Variants in TTC34 observed in about 807,000 individuals in gnomAD.
The protein encoded by TTC34 is tetratricopeptide repeat domain 34.
In TTC34, 44 loss-of-function variants were observed where a neutral mutation model predicts 40.7. The observed-to-expected ratio is 1.08, with a 90% CI of 0.85 to 1.39. The LOEUF is 1.39. Ranked by LOEUF, TTC34 falls within the 40% of genes most tolerant of loss-of-function variation. The pLI, the probability that TTC34 is intolerant of heterozygous loss-of-function variation, is 0.00. For synonymous variants in TTC34, 422 were observed against 398.6 expected (o/e 1.06, Z -0.70); for missense variants, 884 against 838.0 (o/e 1.05, Z -0.68).
intron 6 of TTC34, among the ~76,000 whole-genome samples, chr1:2,783,105 C>G (rs564175605): frequency 6.6e-6 from 1 of 152,276 alleles, no homozygotes; most frequent in East Asian, 1.9e-4. Flanking sequence ...GCATAGATAC[C>G]GAACTTAAAG....
exon 9 of TTC34, chr1:2,637,298 C>G (rs930594201): frequency 6.6e-6 from 1 of 152,196 alleles, no homozygotes; most frequent in African/African-American, 2.4e-5. Flanking sequence ...AAGATGGGTT[C>G]TCAATCCAGG....
At chr1:2,752,204 CCA>C in intron 6 of TTC34, among the ~76,000 whole-genome samples, 1 of 111,490 alleles carries the variant, frequency 9.0e-6, no homozygotes, top group South Asian at 3.4e-4. Context: ...GGAACAGAAC[CCA>C]CACCCCCAGG....
intron 6 of TTC34, among the ~76,000 whole-genome samples, chr1:2,685,164 CGT>C (rs1640270997): frequency 1.7e-3 from 24 of 14,198 alleles, no homozygotes; most frequent in South Asian, 2.5e-3. Context: ...CACAACCCCA[CGT>C]GAGCATCTGA....
At chr1:2,783,413 C>T (rs1300353720) in intron 6 of TTC34, among the ~76,000 whole-genome samples, 196 bp downstream of exon 6, 5 of 152,230 alleles carry the variant, frequency 3.3e-5, no homozygotes, top group Non-Finnish European at 7.3e-5. Flanking sequence ...AAGGGCAGGA[C>T]TCCCAGAAAC....
At chr1:2,749,554 G>A (rs1641251329) in intron 6 of TTC34, among the ~76,000 whole-genome samples, 1 of 67,410 alleles carries the variant, frequency 1.5e-5, no homozygotes. Context: ...GCAAATAGCA[G>A]CACCCACACC....
At chr1:2,686,771 G>A (rs1174474064) in intron 6 of TTC34, among the ~76,000 whole-genome samples, 1 of 123,054 alleles carries the variant, frequency 8.1e-6, no homozygotes, top group Non-Finnish European at 1.7e-5. Context: ...ACCCCCAGGT[G>A]AGCATGTGAC....
intron 6 of TTC34, among the ~76,000 whole-genome samples, chr1:2,677,918 A>G (rs371894583): frequency 3.0e-5 from 1 of 33,352 alleles, no homozygotes; most frequent in Non-Finnish European, 4.9e-5. Context: ...GACAGCCTGG[A>G]GCAGCACCCT....
chr1:2,784,434 G>A (rs1293653731), intron 5 of TTC34, among the ~76,000 whole-genome samples: 1 of 152,184 alleles, frequency 6.6e-6, no homozygotes, highest in Non-Finnish European at 1.5e-5. Flanking sequence ...ACCTCTGGAT[G>A]ACTGTGGGCA....
At chr1:2,780,375 C>T (rs1473304568) in intron 6 of TTC34, among the ~76,000 whole-genome samples, 2 of 152,166 alleles carry the variant, frequency 1.3e-5, no homozygotes, top group African/African-American at 4.8e-5. Context: ...AATCCAGTGT[C>T]GTGAAGCTTC....
At chr1:2,674,798 C>T (rs1352560505) in intron 6 of TTC34, among the ~76,000 whole-genome samples, 3 of 87,572 alleles carry the variant, frequency 3.4e-5, no homozygotes, top group East Asian at 5.0e-4. Context: ...GCAGCACCCA[C>T]AACCCCAAGT....
intron 6 of TTC34, among the ~76,000 whole-genome samples, chr1:2,660,748 A>C (rs61265390): frequency 0.079 from 45 of 568 alleles, 15 homozygotes; most frequent in Admixed American, 0.15. Context: ...GCAGCACCCC[A>C]CACCCACAGG....
chr1:2,654,682 G>GA (rs1639277583), intron 6 of TTC34, among the ~76,000 whole-genome samples: 1 of 99,244 alleles, frequency 1.0e-5, no homozygotes, highest in African/African-American at 3.4e-5. Context: ...CGCAAGGAAT[G>GA]GCATCCTCAC....
intron 2 of TTC34, among the ~76,000 whole-genome samples, chr1:2,794,540 T>G (rs1643695285): frequency 6.6e-6 from 1 of 152,222 alleles, no homozygotes; most frequent in Non-Finnish European, 1.5e-5. Flanking sequence ...GCTAATCATA[T>G]TGCCTGGAAT....
At chr1:2,798,772 A>G in intron 2 of TTC34, among the ~76,000 whole-genome samples, 1 of 114,198 alleles carries the variant, frequency 8.8e-6, no homozygotes. Flanking sequence ...TCAGCCTCCA[A>G]GCCTCCCAGC....
chr1:2,683,221 G>C (rs1489282341), intron 6 of TTC34, among the ~76,000 whole-genome samples: 6 of 131,326 alleles, frequency 4.6e-5, no homozygotes, highest in South Asian at 2.4e-4. Context: ...GCCTGGGTCG[G>C]CACCCACACC....
chr1:2,680,476 C>T lies in TTC34; in HGVS notation c.2227-34913G>A, dbSNP rs1309390332. ...GCACCCACACCCCCAGGAGAGCATC[C>T]GGCAGCCTGCAGCAGAACCCACACC... On this transcript the variant is annotated intron_variant, in intron 6 of 8. Transcript: ENST00000401095. 5.3e-3 allele frequency among the ~76,000 whole-genome samples: 314 copies of T among 58,744 alleles called. No individual in the cohort carries two copies. The Middle Eastern group carries it at 0.058, about 11-fold the overall frequency. The allele number at this position is 58,744 out of a possible 152,430, so 38.5% of individuals were successfully genotyped here. A position where few individuals can be genotyped will look rare whatever the true frequency, so the allele number is the denominator to read the frequency against.
chr1:2,782,766 C>A (rs999616047), intron 6 of TTC34, among the ~76,000 whole-genome samples: 1 of 152,194 alleles, frequency 6.6e-6, no homozygotes, highest in East Asian at 1.9e-4. Flanking sequence ...GCTCCCTCCT[C>A]CTTTTACAGA....
intron 6 of TTC34, among the ~76,000 whole-genome samples, chr1:2,655,874 A>T (rs1316423748): frequency 1.0e-5 from 1 of 98,528 alleles, no homozygotes; most frequent in East Asian, 3.1e-4. Flanking sequence ...AGCATCTGAC[A>T]GCCTGGAGCA....
chr1:2,785,777 T>C (rs1049039909), intron 5 of TTC34, 42 bp downstream of exon 5: 2 of 1,522,740 alleles, frequency 1.3e-6, no homozygotes, highest in African/African-American at 1.4e-5. Flanking sequence ...CCCCTGTGCC[T>C]GGCACAAGAC....
Sources: allele counts gnomAD v4.1 joint callset (sites outside exome capture counted in the v4.1 genomes callset), GRCh38; gene constraint gnomAD v4.1.1; transcripts MANE v1.5; gene names NCBI Gene and HGNC (gene_info 2026-07-23, HGNC 2026-07-21).